Variants in TWIST2 observed in about 807,000 individuals in gnomAD.
TWIST2 encodes twist family bHLH transcription factor 2.
Under a neutral mutation model 11.6 loss-of-function variants are expected in TWIST2, and 1 was observed. That is an observed-to-expected ratio of 0.09 (90% confidence interval 0.03 to 0.41). TWIST2 has a LOEUF of 0.41. Ranked by LOEUF, TWIST2 falls within the 10% of genes least tolerant of loss-of-function variation. TWIST2 has a pLI of 0.98. For missense variants in TWIST2, 168 were observed against 226.4 expected, an observed-to-expected ratio of 0.74 and a Z score of 1.66; for synonymous variants, 87 against 96.6, an observed-to-expected ratio of 0.90 and a Z score of 0.58.
intron 1 of TWIST2, among the ~76,000 whole-genome samples, 174 bp from the exon 2 acceptor site, chr2:238,909,668 C>T (rs1035785361): frequency 6.6e-6 from 1 of 152,104 alleles, no homozygotes; most frequent in South Asian, 2.1e-4. Context: ...GGGCTGGCCC[C>T]GTAGCAGTCA....
intron 1 of TWIST2, among the ~76,000 whole-genome samples, chr2:238,908,306 A>C (rs1254970242): frequency 2.0e-5 from 3 of 148,562 alleles, no homozygotes; most frequent in Non-Finnish European, 4.5e-5. Flanking sequence ...TTCACACTGT[A>C]CATAGACACC....
At position 238,867,695 on chromosome 2, in the gene TWIST2, A is replaced by G. The variant is rs1158494399; in HGVS notation, c.*35+18962A>G. 2.0e-5 allele frequency among the ~76,000 whole-genome samples: 3 copies of G among 152,220 alleles called. No homozygotes were observed. Among genetic ancestry groups the G allele is most frequent in the African/African-American group, 7.2e-5 (3 of 41,468 alleles). ...AGGCTGGATGCAAGGCAGATGCCACATGGAACCCTTAGGTATTGAGTGCCC... is the reference window on the plus strand; with the variant it reads ...AGGCTGGATGCAAGGCAGATGCCACGTGGAACCCTTAGGTATTGAGTGCCC... On this transcript the variant is annotated intron_variant, in intron 1 of 1. Transcript: ENST00000612363. This position sits in a 1 kb window ranked among gnomAD's most constrained non-coding sequence, Gnocchi z 4.8.
intron 1 of TWIST2, among the ~76,000 whole-genome samples, chr2:238,850,354 C>A (rs867356883): frequency 6.6e-6 from 1 of 152,138 alleles, no homozygotes; most frequent in Non-Finnish European, 1.5e-5. Context: ...GTTTTTGCTG[C>A]CTAAATAATG....
At position 238,848,726 on chromosome 2, in the gene TWIST2, G is replaced by A; in HGVS notation, c.*28G>A. 6.8e-7 allele frequency: 1 copy of A among 1,467,596 alleles called. No homozygotes were observed. Among genetic ancestry groups the A allele is most frequent in the South Asian group, 1.4e-5 (1 of 73,306 alleles). The allele number at this position is 1,467,596 out of a possible 1,614,324, so 90.9% of individuals were successfully genotyped here. A position where few individuals can be genotyped will look rare whatever the true frequency, so the allele number is the denominator to read the frequency against. ...CCGCGCCACCCACCTCCGGACCGGC[G>A]CGCCAGGGTAGGTGCTGCGCGCGCG... On this transcript the variant is annotated 3_prime_UTR_variant, in exon 1 of 2. Coordinates refer to ENST00000612363, the MANE Select transcript of TWIST2 (RefSeq NM_001271893.4).
At chr2:238,849,065 C>T (rs1477031542) in intron 1 of TWIST2, among the ~76,000 whole-genome samples, 1 of 150,742 alleles carries the variant, frequency 6.6e-6, no homozygotes, top group Non-Finnish European at 1.5e-5. Flanking sequence ...GTGGAAGGAG[C>T]GAGCATCAGA....
At chr2:238,882,111 A>G (rs1448247575) in intron 1 of TWIST2, among the ~76,000 whole-genome samples, 1 of 152,046 alleles carries the variant, frequency 6.6e-6, no homozygotes, top group Non-Finnish European at 1.5e-5. Flanking sequence ...TTAGGGGCAC[A>G]TGGCAAGTCA....
intron 1 of TWIST2, among the ~76,000 whole-genome samples, chr2:238,855,761 G>C (rs570492946): frequency 6.6e-6 from 1 of 152,262 alleles, no homozygotes; most frequent in East Asian, 1.9e-4. Context: ...TCAGTCACAC[G>C]TGGAAATACA....
intron 1 of TWIST2, among the ~76,000 whole-genome samples, chr2:238,851,791 A>ATTCC (rs1692246762): frequency 6.6e-6 from 1 of 152,232 alleles, no homozygotes. Context: ...AGTAGAATGA[A>ATTCC]AGGCTGAGCT....
At chr2:238,849,684 C>T (rs1340840868) in intron 1 of TWIST2, among the ~76,000 whole-genome samples, 4 of 152,212 alleles carry the variant, frequency 2.6e-5, no homozygotes, top group African/African-American at 7.2e-5. Flanking sequence ...ACACAGCTGC[C>T]AGGAGCACTC....
At chr2:238,909,139 G>A in intron 1 of TWIST2, among the ~76,000 whole-genome samples, 1 of 138,658 alleles carries the variant, frequency 7.2e-6, no homozygotes, top group Non-Finnish European at 1.6e-5. Context: ...GTTCGTGGGT[G>A]TGGTATGTGT....
At position 238,874,311 on chromosome 2, in the gene TWIST2, A is replaced by T. The variant is rs572434447; in HGVS notation, c.*35+25578A>T. On this transcript the variant is annotated intron_variant, in intron 1 of 1. Coordinates refer to ENST00000612363, the MANE Select transcript of TWIST2 (RefSeq NM_001271893.4). ...CAGGACATGAAAACCTAATTTGTTT[A>T]AAAACTCAACTTTCCTGCTGTGGGC... Among the ~76,000 whole-genome samples the T allele has an allele frequency of 1.3e-4, 20 of 152,350 alleles. 1 individual carries two copies. In the South Asian group the frequency reaches 4.1e-3, roughly 32 times the overall value.
chr2:238,903,196 ATG>A (rs1693299317), intron 1 of TWIST2, among the ~76,000 whole-genome samples: 2 of 125,640 alleles, frequency 1.6e-5, no homozygotes, highest in South Asian at 2.8e-4. Flanking sequence ...GGTGTGTGTG[ATG>A]TGGGGTATGT....
chr2:238,908,391 C>T (rs1325899341), intron 1 of TWIST2, among the ~76,000 whole-genome samples: 4 of 151,338 alleles, frequency 2.6e-5, no homozygotes, highest in Non-Finnish European at 4.4e-5. Context: ...ATGCACCACA[C>T]ACCACACAAA....
At chr2:238,900,950 A>G (rs1284270786) in intron 1 of TWIST2, among the ~76,000 whole-genome samples, 1 of 147,298 alleles carries the variant, frequency 6.8e-6, no homozygotes, top group African/African-American at 2.5e-5. Context: ...ATTTTTTCTG[A>G]TCGTTTCTGC....
intron 1 of TWIST2, among the ~76,000 whole-genome samples, chr2:238,862,894 T>C (rs946062929): frequency 6.6e-6 from 1 of 152,190 alleles, no homozygotes; most frequent in Non-Finnish European, 1.5e-5. Flanking sequence ...CGGCCATGAT[T>C]GTAGGATGGA....
chr2:238,848,840 GC>G (rs1485562234), intron 1 of TWIST2, 107 bp downstream of exon 1: 5 of 935,514 alleles, frequency 5.3e-6, no homozygotes, highest in Admixed American at 8.9e-5. Flanking sequence ...CCCGCGGGCC[GC>G]GGGGGCTTGG....
chr2:238,900,225 A>T (rs1336757918), intron 1 of TWIST2, among the ~76,000 whole-genome samples: 1 of 152,164 alleles, frequency 6.6e-6, no homozygotes, highest in Non-Finnish European at 1.5e-5. Flanking sequence ...CAGCATGAGA[A>T]TTAAGAGTGT....
intron 1 of TWIST2, among the ~76,000 whole-genome samples, chr2:238,905,856 C>T (rs1422612065): frequency 7.5e-5 from 10 of 133,918 alleles, no homozygotes; most frequent in Admixed American, 3.7e-4. Context: ...TGTGTGTGTG[C>T]GTGTGTGTGC....
intron 1 of TWIST2, among the ~76,000 whole-genome samples, chr2:238,896,461 G>A (rs903435873): frequency 1.3e-5 from 2 of 152,316 alleles, no homozygotes; most frequent in Admixed American, 6.5e-5. Context: ...TTCAGAGATG[G>A]AGGAACCTGG....
Sources: gnomAD v4.1 joint callset for allele counts (sites outside exome capture counted in the v4.1 genomes callset) on GRCh38, gnomAD v4.1.1 for gene constraint, Gnocchi (gnomAD v3.1) non-coding constraint, MANE v1.5 for transcripts, NCBI Gene and HGNC (gene_info 2026-07-23, HGNC 2026-07-21) for gene names.